Variants in SLC13A4 observed in about 807,000 individuals in gnomAD.
SLC13A4 encodes solute carrier family 13 member 4, also known as Na(+)/sulfate cotransporter SUT-1.
Under a neutral mutation model 72.7 loss-of-function variants are expected in SLC13A4, and 28 were observed. That is an observed-to-expected ratio of 0.39 (90% confidence interval 0.29 to 0.53). SLC13A4 has a LOEUF of 0.53. Among genes scored for constraint, SLC13A4 ranks in the 20% least tolerant of loss-of-function variants. The pLI, the probability that SLC13A4 is intolerant of heterozygous loss-of-function variation, is 0.78. For missense variants in SLC13A4, 653 were observed against 788.0 expected (o/e 0.83, Z 2.05); for synonymous variants, 312 against 325.5 (o/e 0.96, Z 0.45).
intron 2 of SLC13A4, among the ~76,000 whole-genome samples, chr7:135,720,716 C>T (rs891314259): frequency 1.2e-4 from 18 of 151,770 alleles, no homozygotes; most frequent in African/African-American, 4.1e-4. Context: ...TTTTCTTTTT[C>T]CCTACTCATG....
rs941316149 is a variant in SLC13A4 at position 135,687,903 on chromosome 7, C to T, written c.1447-2220G>A. On this transcript the variant is annotated intron_variant, in intron 13 of 15. Coordinates refer to ENST00000682651, the MANE Select transcript of SLC13A4 (RefSeq NM_001318192.2). ...TCAGCTCACTGCAACCTCTGCCTCCCGGGTCCAAATGATTCTCATGCCTCA... is the reference window on the plus strand; with the variant it reads ...TCAGCTCACTGCAACCTCTGCCTCCTGGGTCCAAATGATTCTCATGCCTCA... 6.6e-5 allele frequency among the ~76,000 whole-genome samples: 10 copies of T among 151,978 alleles called. No homozygotes were observed. The South Asian group carries it at 8.3e-4, about 13-fold the overall frequency.
Position 135,728,069 on chromosome 7 carries a change from AC to A in SLC13A4, c.-574del, listed in dbSNP as rs1335794851. 6.6e-6 allele frequency: 1 copy of A among 152,030 alleles called. No individual in the cohort carries two copies. The highest frequency in any genetic ancestry group is 2.4e-5 in the African/African-American group (1 of 41,346). 9.4% of individuals were successfully genotyped at this position (152,030 alleles called of 1,614,324 possible). ...CTGAGCTTGTCAGAGTTGCATGCGG[AC>A]TTCAGGTGGGGCTGCTGGTCGCTCC... On this transcript the variant is annotated 5_prime_UTR_variant, in exon 1 of 16. Transcript: ENST00000682651.
chr7:135,702,695 T>C, intron 6 of SLC13A4, 150 bp downstream of exon 6: 1 of 731,122 alleles, frequency 1.4e-6, no homozygotes, highest in Non-Finnish European at 2.4e-6. Context: ...TTTTTAATAA[T>C]AACATTTTGT....
chr7:135,724,600 GTAAAA>G (rs1796615677), intron 1 of SLC13A4, among the ~76,000 whole-genome samples: 1 of 152,004 alleles, frequency 6.6e-6, no homozygotes, highest in African/African-American at 2.4e-5. Flanking sequence ...GAGAATGTGG[GTAAAA>G]TAAAGCAAAC....
chr7:135,698,106 C>T (rs1221928415), intron 8 of SLC13A4, among the ~76,000 whole-genome samples: 1 of 152,078 alleles, frequency 6.6e-6, no homozygotes, highest in Non-Finnish European at 1.5e-5. Context: ...GATCTCAGCT[C>T]ACTGCAACCT....
At chr7:135,707,955 C>A in intron 3 of SLC13A4, 159 bp downstream of exon 3, 1 of 762,602 alleles carries the variant, frequency 1.3e-6, no homozygotes, top group East Asian at 2.6e-5. Flanking sequence ...GATCACAGGC[C>A]CTCTCCCTGG....
intron 14 of SLC13A4, among the ~76,000 whole-genome samples, chr7:135,684,833 G>A (rs960721535): frequency 3.3e-5 from 5 of 152,162 alleles, no homozygotes; most frequent in African/African-American, 1.2e-4. Context: ...AGAAAGAGCA[G>A]TAGGAGACTA....
intron 2 of SLC13A4, among the ~76,000 whole-genome samples, chr7:135,719,122 C>T (rs1796490287): frequency 1.3e-5 from 2 of 152,234 alleles, no homozygotes; most frequent in South Asian, 2.1e-4. Context: ...GCAATAGTGA[C>T]ACACAGTCCC....
At position 135,692,410 on chromosome 7, in the gene SLC13A4, A is replaced by G. The variant is rs764757807; in HGVS notation, c.1136T>C (p.Val379Ala). The G allele has an allele frequency of 6.2e-7, 1 of 1,612,430 alleles. No individual in the cohort carries two copies. The highest frequency in any genetic ancestry group is 1.7e-5 in the Admixed American group (1 of 59,662). ...KLGDISYPEM[V>A]TGFFFILMTV... Reference sequence around the variant, plus strand: ...CATCAGGATGAAGAAAAATCCAGTCACCATTTCTGGGTAGCTATAAAATAA... The same window carrying G: ...CATCAGGATGAAGAAAAATCCAGTCGCCATTTCTGGGTAGCTATAAAATAA... Residue 379 changes from valine (V) to alanine (A), a missense_variant, in exon 11 of 16, where the codon GTG (valine) becomes GCG (alanine). Physicochemically the swap from Val to Ala is moderately conservative, Grantham distance 64. Coordinates refer to ENST00000682651, the MANE Select transcript of SLC13A4 (RefSeq NM_001318192.2).
chr7:135,708,878 T>C (rs1307787034), intron 2 of SLC13A4, among the ~76,000 whole-genome samples: 1 of 150,904 alleles, frequency 6.6e-6, no homozygotes, highest in Non-Finnish European at 1.5e-5. Context: ...TAACATCATA[T>C]CCTCATTATT....
At chr7:135,713,257 T>C (rs1451388886) in intron 2 of SLC13A4, among the ~76,000 whole-genome samples, 1 of 152,202 alleles carries the variant, frequency 6.6e-6, no homozygotes, top group East Asian at 1.9e-4. Context: ...GTGGTTTGAT[T>C]GCTTTTTCTG....
At chr7:135,699,316 C>T (rs747262612) in intron 8 of SLC13A4, 48 bp downstream of exon 8, 4 of 1,524,216 alleles carry the variant, frequency 2.6e-6, no homozygotes, top group Non-Finnish European at 3.6e-6. Context: ...CAGTTCCTGA[C>T]ACACAGTGGT....
At chr7:135,720,093 C>T (rs3112362) in intron 2 of SLC13A4, among the ~76,000 whole-genome samples, 44,363 of 151,868 alleles carry the variant, frequency 0.29, 6,871 homozygotes, top group Admixed American at 0.37. Context: ...TAGAGGATTG[C>T]CTAATTCTAT....
At chr7:135,692,196 A>G (rs1047834550) in intron 11 of SLC13A4, 127 bp downstream of exon 11, 5 of 756,002 alleles carry the variant, frequency 6.6e-6, no homozygotes, top group African/African-American at 1.8e-5. Context: ...CAGCCTCCCT[A>G]AAAAGAGTGG....
At chr7:135,708,355 A>C (rs1796217710) in intron 2 of SLC13A4, 105 bp from the exon 3 acceptor site, 1 of 1,484,432 alleles carries the variant, frequency 6.7e-7, no homozygotes, top group Non-Finnish European at 9.2e-7. Flanking sequence ...TTCTCAATCA[A>C]AGAGGCTGGC....
rs1796432382 is a variant in SLC13A4 at position 135,716,220 on chromosome 7, C to T, written c.228+5175G>A. On this transcript the variant is annotated intron_variant, in intron 2 of 15. Coordinates refer to ENST00000682651, the MANE Select transcript of SLC13A4 (RefSeq NM_001318192.2). ...ATTCCTCATGTGACTCAGGCTCCAG[C>T]TTTTTAACATCCTGGCCACCCACCT... Among the ~76,000 whole-genome samples the T allele has an allele frequency of 2.6e-5, 4 of 152,270 alleles. No homozygotes were observed. The East Asian group carries it at 7.7e-4, about 29-fold the overall frequency.
At chr7:135,692,214 G>T in intron 11 of SLC13A4, 109 bp downstream of exon 11, 1 of 815,148 alleles carries the variant, frequency 1.2e-6, no homozygotes, top group Non-Finnish European at 2.1e-6. Context: ...TGGATTTCCT[G>T]GGGAATGAAA....
rs748291831 is a variant in SLC13A4 at position 135,681,640 on chromosome 7, T to C, written c.1807A>G (p.Thr603Ala). 6.2e-7 allele frequency: 1 copy of C among 1,614,110 alleles called. No individual in the cohort carries two copies. The highest frequency in any genetic ancestry group is 8.5e-7 in the Non-Finnish European group (1 of 1,179,988). ...AGGTGGAAGAGGCTAACTCCCCAGG[T>C]GTTGATGGCCACCATTACTATCACC... is the stretch of plus-strand genomic sequence containing the variant. ...GLVIVMVAIN[T>A]WGVSLFHLDT... The change falls in exon 16 of 16, where the codon ACC (threonine) becomes GCC (alanine). Residue 603 changes from threonine to alanine, a missense_variant. By Grantham distance (58) the Thr-to-Ala change is moderately conservative. Transcript: ENST00000682651.
intron 5 of SLC13A4, chr7:135,704,827 G>A (rs187128415): frequency 6.6e-6 from 1 of 152,312 alleles, no homozygotes; most frequent in East Asian, 1.9e-4. Context: ...GCGATTTCCT[G>A]ATGGCACCCT....
Sources: allele counts gnomAD v4.1 joint callset (sites outside exome capture counted in the v4.1 genomes callset), GRCh38; gene constraint gnomAD v4.1.1; transcripts MANE v1.5; gene names NCBI Gene and HGNC (gene_info 2026-07-23, HGNC 2026-07-21).